The following PEX5L variants were observed in gnomAD, a reference collection of about 807,000 sequenced individuals.
PEX5L encodes the protein peroxisomal biogenesis factor 5 like.
Under a neutral mutation model 84.0 loss-of-function variants are expected in PEX5L, and 30 were observed. The ratio of observed to expected loss-of-function variants is 0.36; its 90% CI spans 0.27 to 0.48. The LOEUF is 0.48. Among genes scored for constraint, PEX5L ranks in the 20% least tolerant of loss-of-function variants. PEX5L has a pLI of 0.99. For missense variants in PEX5L, 533 were observed against 754.6 expected, an observed-to-expected ratio of 0.71 and a Z score of 3.44; for synonymous variants, 270 against 283.1, an observed-to-expected ratio of 0.95 and a Z score of 0.46.
intron 1 of PEX5L, among the ~76,000 whole-genome samples, chr3:179,980,402 C>T (rs1786216655): frequency 1.3e-5 from 2 of 152,084 alleles, no homozygotes; most frequent in South Asian, 4.1e-4. Flanking sequence ...AAAACACTTC[C>T]TGGAGGTATA....
intron 1 of PEX5L, among the ~76,000 whole-genome samples, chr3:180,027,755 T>C (rs2108348448): frequency 6.6e-6 from 1 of 152,364 alleles, no homozygotes; most frequent in Non-Finnish European, 1.5e-5. Flanking sequence ...AGTCTAGGAT[T>C]ATATATTGCA....
intron 1 of PEX5L, among the ~76,000 whole-genome samples, chr3:180,017,181 T>C (rs183911492): frequency 7.4e-4 from 113 of 152,320 alleles, no homozygotes; most frequent in Non-Finnish European, 1.2e-3. Flanking sequence ...GCCACCATAT[T>C]TTTGACTTAT....
rs201753305 is a variant in PEX5L, at chr3:179,898,178, A to G, written c.162T>C (p.Ser54=). The stretch of plus-strand genomic sequence containing the variant: ...TAGTAAGGAGGGGCTTTTCTTCAGC[A>G]GACTCCTCCCTCGGTATCTCCTTCA... The part of the protein sequence containing the change: ...MVMKEIPREE[S]AEEKPLLTMT... The change falls in exon 3 of 15, where the codon TCT becomes TCC. Residue 54 remains serine, a synonymous_variant. Transcript: ENST00000467460. 1 of 1,613,526 alleles carries G rather than the reference A, an allele frequency of 6.2e-7. No homozygotes were observed. The highest frequency in any genetic ancestry group is 8.5e-7 in the Non-Finnish European group (1 of 1,179,574).
chr3:179,938,876 C>A (rs1578707565), intron 2 of PEX5L, among the ~76,000 whole-genome samples: 1 of 152,172 alleles, frequency 6.6e-6, no homozygotes, highest in African/African-American at 2.4e-5. Context: ...AGCCATTAGA[C>A]CCCAGTCTTA....
intron 2 of PEX5L, among the ~76,000 whole-genome samples, chr3:179,947,099 C>A (rs1484932216): frequency 2.0e-5 from 3 of 152,106 alleles, no homozygotes; most frequent in African/African-American, 7.2e-5. Flanking sequence ...CATGGAAAAT[C>A]TCTCACTGAG....
intron 14 of PEX5L, chr3:179,804,201 C>G (rs1418467483): frequency 6.6e-6 from 1 of 152,110 alleles, no homozygotes; most frequent in Non-Finnish European, 1.5e-5. Flanking sequence ...TAAAGATAGT[C>G]TAAACCTGCT....
At chr3:179,898,441 C>A (rs947602362) in intron 2 of PEX5L, 195 bp from the exon 3 acceptor site, 3 of 434,122 alleles carry the variant, frequency 6.9e-6, no homozygotes, top group African/African-American at 4.0e-5. Context: ...TTTTAGTTAG[C>A]TACTTTTTCC....
chr3:179,839,014 G>GA (rs1174121765), intron 8 of PEX5L, among the ~76,000 whole-genome samples: 1 of 151,486 alleles, frequency 6.6e-6, no homozygotes, highest in African/African-American at 2.4e-5. Flanking sequence ...CTCTGATAAA[G>GA]AAAGGCTTTC....
At chr3:179,995,507 C>T (rs1340341329) in intron 1 of PEX5L, among the ~76,000 whole-genome samples, 1 of 152,070 alleles carries the variant, frequency 6.6e-6, no homozygotes, top group Admixed American at 6.6e-5. Flanking sequence ...ATTTGACACT[C>T]CTGATTCACT....
At chr3:180,013,618 C>A (rs1007082383) in intron 1 of PEX5L, among the ~76,000 whole-genome samples, 1 of 152,050 alleles carries the variant, frequency 6.6e-6, no homozygotes, top group African/African-American at 2.4e-5. Context: ...GATGGCATTG[C>A]CAGAGAGGAC....
chr3:179,902,078 G>A (rs1479586413), intron 2 of PEX5L: 2 of 152,232 alleles, frequency 1.3e-5, no homozygotes, highest in Non-Finnish European at 2.9e-5. Context: ...CCACGCGCTG[G>A]GCACTCTGGT....
chr3:180,008,440 A>C (rs143431840), intron 1 of PEX5L, among the ~76,000 whole-genome samples: 1 of 152,108 alleles, frequency 6.6e-6, no homozygotes, highest in African/African-American at 2.4e-5. Context: ...TGAGCCCTCC[A>C]AGCTGTTCCA....
At chr3:180,008,629 G>A (rs1789139484) in intron 1 of PEX5L, among the ~76,000 whole-genome samples, 1 of 152,184 alleles carries the variant, frequency 6.6e-6, no homozygotes, top group Admixed American at 6.5e-5. Context: ...CATGGCTGGG[G>A]AGGCCTCAGA....
At chr3:179,961,297 T>C (rs1781966077) in intron 2 of PEX5L, among the ~76,000 whole-genome samples, 2 of 150,670 alleles carry the variant, frequency 1.3e-5, no homozygotes, top group African/African-American at 4.9e-5. Context: ...TGTGAAAAAT[T>C]AAACCAAAAA....
At chr3:180,019,563 T>C (rs753457815) in intron 1 of PEX5L, among the ~76,000 whole-genome samples, 7 of 152,212 alleles carry the variant, frequency 4.6e-5, no homozygotes, top group African/African-American at 9.6e-5. Context: ...CCCATTTTTA[T>C]TTATCATCAT....
chr3:179,814,956 C>CT (rs1179708345), intron 10 of PEX5L, among the ~76,000 whole-genome samples: 2 of 152,156 alleles, frequency 1.3e-5, no homozygotes, highest in African/African-American at 2.4e-5. Flanking sequence ...CTTGACTCCC[C>CT]TATTGCCTTT....
At chr3:179,852,114 T>C (rs750925733) in intron 8 of PEX5L, among the ~76,000 whole-genome samples, 2 of 152,204 alleles carry the variant, frequency 1.3e-5, no homozygotes. Flanking sequence ...ACACTGTTTC[T>C]GAGGGTCAGG....
chr3:179,818,719 G>T (rs1727218030), intron 9 of PEX5L, among the ~76,000 whole-genome samples: 1 of 151,600 alleles, frequency 6.6e-6, no homozygotes, highest in South Asian at 2.1e-4. Flanking sequence ...GTCTTTCTGT[G>T]CCTGGCTTAT....
chr3:179,929,626 T>C (rs1488440579), intron 2 of PEX5L, among the ~76,000 whole-genome samples: 2 of 152,160 alleles, frequency 1.3e-5, no homozygotes, highest in African/African-American at 4.8e-5. Context: ...ATGTTTGCAT[T>C]TGGCAACCGC....
Sources: gnomAD v4.1 joint callset for allele counts (sites outside exome capture counted in the v4.1 genomes callset) on GRCh38, gnomAD v4.1.1 for gene constraint, MANE v1.5 for transcripts, NCBI Gene and HGNC (gene_info 2026-07-23, HGNC 2026-07-21) for gene names.